The following PPP5C variants were observed in gnomAD, a reference collection of about 807,000 sequenced individuals.
The protein encoded by PPP5C is serine/threonine-protein phosphatase 5.
PPP5C carries 21 observed loss-of-function variants against 66.7 expected under a neutral mutation model. That is an observed-to-expected ratio of 0.31 (90% CI 0.22 to 0.45). PPP5C has a LOEUF of 0.45. Among genes scored for constraint, PPP5C ranks in the 20% least tolerant of loss-of-function variants. The pLI is 1.00. For missense variants in PPP5C, 464 were observed against 675.9 expected, an observed-to-expected ratio of 0.69 and a Z score of 3.48; for synonymous variants, 246 against 257.4, an observed-to-expected ratio of 0.96 and a Z score of 0.43.
Position 46,390,710 on chromosome 19 carries a change from C to A in PPP5C, c.*364C>A. 1 of 1,176,314 alleles carries A rather than the reference C, an allele frequency of 8.5e-7. No homozygotes were observed. The highest frequency in any genetic ancestry group is 1.1e-6 in the Non-Finnish European group (1 of 939,052). The allele number at this position is 1,176,314 out of a possible 1,614,324, so 72.9% of individuals were successfully genotyped here. On this transcript the variant is annotated 3_prime_UTR_variant, in exon 13 of 13. Transcript: ENST00000012443. The stretch of plus-strand genomic sequence containing the variant: ...TAGGGCCCCGCCATAGGAAGACCCC[C>A]AGAGAGAGGGTCAGCAGGGGGGCCC...
chr19:46,372,734 A>G (rs990370777), intron 2 of PPP5C, among the ~76,000 whole-genome samples: 1 of 152,242 alleles, frequency 6.6e-6, no homozygotes, highest in Non-Finnish European at 1.5e-5. Context: ...CAGAAATCCC[A>G]GTTTTCCCTA....
intron 6 of PPP5C, chr19:46,384,250 C>T (rs955157239): frequency 6.8e-6 from 2 of 294,240 alleles, no homozygotes; most frequent in African/African-American, 4.3e-5. Context: ...TACTTCACTG[C>T]TTGGTGTCAC....
At chr19:46,375,399 C>T (rs1972674328) in intron 2 of PPP5C, among the ~76,000 whole-genome samples, 1 of 152,234 alleles carries the variant, frequency 6.6e-6, no homozygotes, top group South Asian at 2.1e-4. Flanking sequence ...ATGAAGTGCA[C>T]CCATGCGGGC....
At chr19:46,370,689 A>G (rs1457763765) in intron 2 of PPP5C, among the ~76,000 whole-genome samples, 1 of 151,928 alleles carries the variant, frequency 6.6e-6, no homozygotes, top group Non-Finnish European at 1.5e-5. Flanking sequence ...ACACTTGTAT[A>G]TGTGGGCCAC....
intron 2 of PPP5C, among the ~76,000 whole-genome samples, chr19:46,364,916 C>A (rs140741364): frequency 7.3e-6 from 1 of 136,988 alleles, no homozygotes; most frequent in Non-Finnish European, 1.5e-5. Context: ...GCTGGTGTTT[C>A]GGGGCCGGGG....
chr19:46,358,181 C>T (rs1162520852), intron 2 of PPP5C, among the ~76,000 whole-genome samples: 1 of 152,212 alleles, frequency 6.6e-6, no homozygotes, highest in East Asian at 1.9e-4. Context: ...CATAGTACCA[C>T]TGGCCACCCG....
Position 46,387,268 on chromosome 19 carries a change from C to T in PPP5C, c.1047+33C>T, listed in dbSNP as rs1336192815. 7 of 1,613,984 alleles carry T rather than the reference C, an allele frequency of 4.3e-6. No individual in the cohort carries two copies. The South Asian group carries it at 7.7e-5, about 18-fold the overall frequency. On this transcript the variant is annotated intron_variant, in intron 8 of 12. Coordinates refer to ENST00000012443, the MANE Select transcript of PPP5C (RefSeq NM_006247.4). ...CGGCGCGAGCCCTGAGTGTGGGTTC[C>T]CCACCCAGCCACACCTGGGCAGATG...
At chr19:46,352,356 GGGTT>G (rs1327543387) in intron 1 of PPP5C, among the ~76,000 whole-genome samples, 1 of 152,200 alleles carries the variant, frequency 6.6e-6, no homozygotes, top group Non-Finnish European at 1.5e-5. Context: ...AGTCCACAGG[GGGTT>G]CCTCAGTAGC....
intron 1 of PPP5C, among the ~76,000 whole-genome samples, chr19:46,352,798 C>A (rs1032983823): frequency 7.2e-6 from 1 of 139,306 alleles, no homozygotes; most frequent in Non-Finnish European, 1.5e-5. Flanking sequence ...CCAGCCTGGG[C>A]GACAGAGCGA....
intron 2 of PPP5C, among the ~76,000 whole-genome samples, chr19:46,360,491 ATTTTTCTTTTTTTT>A (rs1972365188): frequency 6.6e-6 from 1 of 150,550 alleles, no homozygotes; most frequent in Admixed American, 6.6e-5. Context: ...TTGAAATTAG[ATTTTTCTTTTTTTT>A]TTTTTCTTTT....
Position 46,387,084 on chromosome 19 carries a change from G to C in PPP5C, c.905-9G>C, listed in dbSNP as rs906919626. 8 of 1,614,234 alleles carry C rather than the reference G, an allele frequency of 5.0e-6. No individual in the cohort carries two copies. Among genetic ancestry groups the C allele is most frequent in the Non-Finnish European group, 6.8e-6 (8 of 1,180,042 alleles). Reference sequence around the variant, plus strand: ...GCTGAGCTTTCTCTTCTGTCCCCGTGTTGGCCAGGCAACCACGAGACAGAC... The same window carrying C: ...GCTGAGCTTTCTCTTCTGTCCCCGTCTTGGCCAGGCAACCACGAGACAGAC... On this transcript the variant is annotated splice_polypyrimidine_tract_variant and intron_variant, in intron 7 of 12. Transcript: ENST00000012443.
intron 2 of PPP5C, among the ~76,000 whole-genome samples, chr19:46,354,611 TAGGG>T (rs1427109899): frequency 6.6e-6 from 1 of 151,882 alleles, no homozygotes; most frequent in Non-Finnish European, 1.5e-5. Context: ...CTGGGCCACA[TAGGG>T]AGGAGACCTC....
In PPP5C at chr19:46,383,745, G is replaced by T; in HGVS notation, c.700-35G>T. 6.5e-7 allele frequency: 1 copy of T among 1,545,434 alleles called. No homozygotes were observed. The highest frequency in any genetic ancestry group is 8.9e-7 in the Non-Finnish European group (1 of 1,118,610). ...TGCCCCCTCCCCACGTCTCTCTCTCGGCCCGTCCCTCTCCGGTGGCCTCTT... is the reference window on the plus strand; with the variant it reads ...TGCCCCCTCCCCACGTCTCTCTCTCTGCCCGTCCCTCTCCGGTGGCCTCTT... On this transcript the variant is annotated intron_variant, in intron 5 of 12. Transcript: ENST00000012443. The surrounding 1 kb of genome is among the most constrained non-coding windows in gnomAD (Gnocchi z 5.0).
intron 2 of PPP5C, among the ~76,000 whole-genome samples, chr19:46,362,149 T>C (rs1972403717): frequency 6.6e-6 from 1 of 152,242 alleles, no homozygotes; most frequent in African/African-American, 2.4e-5. Flanking sequence ...ACAGAATTGT[T>C]TCTCTTGGTT....
rs781158762 is a variant in PPP5C, at chr19:46,387,407, G to C, written c.1089G>C (p.Leu363=). 5 of 1,612,974 alleles carry C rather than the reference G, an allele frequency of 3.1e-6. No individual in the cohort carries two copies. Among genetic ancestry groups the C allele is most frequent in the Non-Finnish European group, 4.2e-6 (5 of 1,179,034 alleles). The change falls in exon 9 of 13, where the codon CTG becomes CTC. Residue 363 remains leucine (L), a synonymous_variant. Transcript: ENST00000012443. ...TGTTCAGTGAAGACGGTGTCACCCT[G>C]GATGACATCCGGAAAATTGAGCGGA... ...GGLFSEDGVT[L]DDIRKIERNR... is the part of the protein sequence containing the mutation.
chr19:46,367,100 A>G (rs1362595748), intron 2 of PPP5C, among the ~76,000 whole-genome samples: 22 of 152,222 alleles, frequency 1.4e-4, no homozygotes, highest in African/African-American at 4.3e-4. Flanking sequence ...AGCAGGCTAT[A>G]TAACTGCATT....
chr19:46,367,966 A>G (rs1025811884), intron 2 of PPP5C, among the ~76,000 whole-genome samples: 1 of 152,112 alleles, frequency 6.6e-6, no homozygotes, highest in Non-Finnish European at 1.5e-5. Context: ...CAGCTGCACA[A>G]TTGGAATAAA....
At chr19:46,375,115 C>A (rs1036970273) in intron 2 of PPP5C, among the ~76,000 whole-genome samples, 12 of 152,208 alleles carry the variant, frequency 7.9e-5, no homozygotes, top group Admixed American at 7.9e-4. Flanking sequence ...CCTGTGTCAC[C>A]TCCCTGTTAG....
chr19:46,347,779 T>A (rs1191909172), intron 1 of PPP5C, among the ~76,000 whole-genome samples: 1 of 151,972 alleles, frequency 6.6e-6, no homozygotes, highest in Non-Finnish European at 1.5e-5. Flanking sequence ...CTTAGAATAT[T>A]GAGAGTCAAG....
Sources: allele counts gnomAD v4.1 joint callset (sites outside exome capture counted in the v4.1 genomes callset), GRCh38; gene constraint gnomAD v4.1.1; non-coding constraint Gnocchi (gnomAD v3.1); transcripts MANE v1.5; gene names NCBI Gene and HGNC (gene_info 2026-07-23, HGNC 2026-07-21).